The following SYT1 variants were observed in gnomAD, a reference collection of about 807,000 sequenced individuals.
SYT1 encodes the protein synaptotagmin-1.
Under a neutral mutation model 44.8 loss-of-function variants are expected in SYT1, and 8 were observed. That is an observed-to-expected ratio of 0.18 (90% CI 0.10 to 0.32). SYT1 has a LOEUF of 0.32. SYT1 is among the 10% of genes least tolerant of loss of function. The pLI is 1.00. For missense variants in SYT1, 286 were observed against 509.3 expected (o/e 0.56, Z 4.22); for synonymous variants, 154 against 188.8 (o/e 0.82, Z 1.51).
At chr12:79,183,502 T>C (rs1046911281) in intron 3 of SYT1, among the ~76,000 whole-genome samples, 1 of 151,986 alleles carries the variant, frequency 6.6e-6, no homozygotes, top group East Asian at 1.9e-4. Flanking sequence ...ACAGGAGAGC[T>C]ACCCCCAACC....
chr12:78,988,434 T>A (rs1205557511), intron 2 of SYT1, among the ~76,000 whole-genome samples: 1 of 148,074 alleles, frequency 6.8e-6, no homozygotes, highest in Admixed American at 6.8e-5. Context: ...TATATATATA[T>A]AAAATGTAAA....
chr12:79,109,203 A>G (rs564563997), intron 3 of SYT1, among the ~76,000 whole-genome samples: 9 of 152,212 alleles, frequency 5.9e-5, no homozygotes, highest in Middle Eastern at 3.4e-3. Flanking sequence ...ACTCCTCCCA[A>G]TGTTCAGGCC....
At chr12:79,268,296 C>T (rs745538401) in intron 4 of SYT1, among the ~76,000 whole-genome samples, 18 of 152,022 alleles carry the variant, frequency 1.2e-4, no homozygotes, top group Admixed American at 2.6e-4. Context: ...AAAAAATCAT[C>T]GAAAAAATTG....
intron 1 of SYT1, among the ~76,000 whole-genome samples, chr12:78,911,044 A>G (rs1295404816): frequency 6.6e-6 from 1 of 152,004 alleles, no homozygotes; most frequent in African/African-American, 2.4e-5. Context: ...AAGGCCACTG[A>G]AAGGTGTTGA....
chr12:79,144,867 CT>C (rs1464868384), intron 3 of SYT1, among the ~76,000 whole-genome samples: 1 of 152,200 alleles, frequency 6.6e-6, no homozygotes, highest in African/African-American at 2.4e-5. Context: ...CCTGAAGGCA[CT>C]TTCTAAATTT....
At chr12:79,348,194 T>C (rs1882690141) in intron 8 of SYT1, among the ~76,000 whole-genome samples, 1 of 152,170 alleles carries the variant, frequency 6.6e-6, no homozygotes, top group Non-Finnish European at 1.5e-5. Flanking sequence ...AGATTTCCAT[T>C]TTAAAAGGAT....
chr12:79,157,257 C>G (rs1565831275), intron 3 of SYT1, among the ~76,000 whole-genome samples: 1 of 152,110 alleles, frequency 6.6e-6, no homozygotes, highest in Admixed American at 6.5e-5. Context: ...TTAAAAGCAC[C>G]ACATCCTATA....
chr12:78,883,848 T>C (rs920018037), intron 1 of SYT1, among the ~76,000 whole-genome samples: 5 of 151,726 alleles, frequency 3.3e-5, no homozygotes, highest in Non-Finnish European at 7.4e-5. Flanking sequence ...GAAAAAGTTA[T>C]TCCTTCTGTA....
At chr12:79,406,388 C>T (rs1039485201) in intron 9 of SYT1, among the ~76,000 whole-genome samples, 1 of 152,148 alleles carries the variant, frequency 6.6e-6, no homozygotes, top group Admixed American at 6.6e-5. Flanking sequence ...TCTATACACT[C>T]TCTGAAACTT....
intron 8 of SYT1, among the ~76,000 whole-genome samples, chr12:79,312,658 T>C (rs1880866993): frequency 6.6e-6 from 1 of 152,150 alleles, no homozygotes; most frequent in Admixed American, 6.6e-5. Context: ...GAAACTATAT[T>C]CACATTGATT....
At chr12:79,365,062 A>C (rs1410754418) in intron 9 of SYT1, among the ~76,000 whole-genome samples, 1 of 152,168 alleles carries the variant, frequency 6.6e-6, no homozygotes, top group Non-Finnish European at 1.5e-5. Flanking sequence ...TAAGTAAAAA[A>C]GTAACTCAAA....
At chr12:79,040,894 T>G (rs1281519260) in intron 2 of SYT1, among the ~76,000 whole-genome samples, 25 of 149,882 alleles carry the variant, frequency 1.7e-4, no homozygotes, top group Non-Finnish European at 3.0e-5. Flanking sequence ...CTTTCCCCAT[T>G]GCTTGTTTTT....
intron 10 of SYT1, among the ~76,000 whole-genome samples, chr12:79,447,682 A>C (rs1312715426): frequency 2.0e-5 from 3 of 152,144 alleles, no homozygotes; most frequent in Non-Finnish European, 4.4e-5. Flanking sequence ...TGTTCCAGAA[A>C]CTATCCAGTG....
chr12:79,168,943 A>G (rs540673921), intron 3 of SYT1, among the ~76,000 whole-genome samples: 2 of 152,008 alleles, frequency 1.3e-5, no homozygotes, highest in Non-Finnish European at 2.9e-5. Flanking sequence ...TTTTCAAGGC[A>G]TCTGGAACAC....
chr12:78,907,347 C>T (rs1050370812), intron 1 of SYT1, among the ~76,000 whole-genome samples: 1 of 151,658 alleles, frequency 6.6e-6, no homozygotes, highest in Admixed American at 6.6e-5. Flanking sequence ...ATTACCTATA[C>T]AATATGGAAA....
chr12:78,941,618 TA>T (rs1878381089), intron 1 of SYT1, among the ~76,000 whole-genome samples: 2 of 152,242 alleles, frequency 1.3e-5, no homozygotes, highest in Admixed American at 6.5e-5. Context: ...CATTCTTGAC[TA>T]CTGGTCAAAA....
At chr12:79,119,895 G>GA (rs1339192704) in intron 3 of SYT1, among the ~76,000 whole-genome samples, 4 of 152,060 alleles carry the variant, frequency 2.6e-5, no homozygotes, top group African/African-American at 9.7e-5. Context: ...GCACAGATGG[G>GA]AAAAATATCA....
Position 79,337,403 on chromosome 12 carries a change from A to G in SYT1, c.811-16099A>G, listed in dbSNP as rs370731576. Among the ~76,000 whole-genome samples, 12 of 152,320 alleles carry G rather than the reference A, an allele frequency of 7.9e-5. No homozygotes were observed. The East Asian group carries it at 1.2e-3, about 15-fold the overall frequency. Reference sequence around the variant, plus strand: ...GGATACTATTGTCCCAGAACTAAAAAGAGAAAAATACTCTTTGGATAGAAC... The same window carrying G: ...GGATACTATTGTCCCAGAACTAAAAGGAGAAAAATACTCTTTGGATAGAAC... On this transcript the variant is annotated intron_variant, in intron 8 of 10. Transcript: ENST00000261205.
intron 3 of SYT1, among the ~76,000 whole-genome samples, chr12:79,071,171 G>T (rs569036123): frequency 2.0e-5 from 3 of 152,220 alleles, no homozygotes; most frequent in Non-Finnish European, 2.9e-5. Context: ...AGAATTCAGG[G>T]TGTGTGTTTG....
Sources: gnomAD v4.1 joint callset for allele counts (sites outside exome capture counted in the v4.1 genomes callset) on GRCh38, gnomAD v4.1.1 for gene constraint, MANE v1.5 for transcripts, NCBI Gene and HGNC (gene_info 2026-07-23, HGNC 2026-07-21) for gene names.